SPAG16: variants seen among roughly 807,000 people sequenced by gnomAD.
SPAG16 encodes the protein sperm associated antigen 16.
In SPAG16, 86 loss-of-function variants were observed where a neutral mutation model predicts 80.4. The observed-to-expected ratio is 1.07, with a 90% CI of 0.90 to 1.28. SPAG16 has a LOEUF of 1.28. Among genes scored for constraint, SPAG16 ranks in the 50% most tolerant of loss-of-function variants. SPAG16 has a pLI of 0.00. For missense variants in SPAG16, 870 were observed against 765.3 expected (o/e 1.14, Z -1.61); for synonymous variants, 294 against 265.9 (o/e 1.11, Z -1.03).
At chr2:213,318,950 C>G (rs913233562) in intron 5 of SPAG16, among the ~76,000 whole-genome samples, 5 of 151,924 alleles carry the variant, frequency 3.3e-5, no homozygotes, top group Non-Finnish European at 7.4e-5. Context: ...AGCCAGATCT[C>G]TCCACACCTT....
chr2:213,572,512 A>G (rs28806208), intron 10 of SPAG16, among the ~76,000 whole-genome samples: 64,452 of 150,158 alleles, frequency 0.43, 14,702 homozygotes, highest in African/African-American at 0.56. Flanking sequence ...AGGTGTCAGT[A>G]TGCCCCTGCT....
At chr2:213,445,533 G>C (rs2071249095) in intron 9 of SPAG16, among the ~76,000 whole-genome samples, 1 of 152,042 alleles carries the variant, frequency 6.6e-6, no homozygotes, top group Non-Finnish European at 1.5e-5. Context: ...GTAGTGGTGG[G>C]CTCCTGTAAT....
At chr2:214,249,254 A>C (rs1364765704) in intron 15 of SPAG16, among the ~76,000 whole-genome samples, 1 of 152,210 alleles carries the variant, frequency 6.6e-6, no homozygotes, top group African/African-American at 2.4e-5. Flanking sequence ...TAAACAAAGT[A>C]GAGTTATTTT....
intron 10 of SPAG16, among the ~76,000 whole-genome samples, chr2:213,796,082 T>C (rs536247005): frequency 6.6e-6 from 1 of 152,270 alleles, no homozygotes; most frequent in South Asian, 2.1e-4. Flanking sequence ...ATCTAATCTA[T>C]TCAACTCCCC....
intron 9 of SPAG16, among the ~76,000 whole-genome samples, chr2:213,471,952 A>C (rs2073103437): frequency 6.6e-6 from 1 of 152,220 alleles, no homozygotes; most frequent in African/African-American, 2.4e-5. Context: ...AAGTTTACTG[A>C]GGCAGAAGTT....
At chr2:213,823,594 A>T (rs1045093612) in intron 10 of SPAG16, among the ~76,000 whole-genome samples, 6 of 152,168 alleles carry the variant, frequency 3.9e-5, no homozygotes, top group Non-Finnish European at 7.3e-5. Context: ...TCCAGACCTC[A>T]GGTGATCTGC....
At chr2:213,659,208 G>A (rs1352002341) in intron 10 of SPAG16, among the ~76,000 whole-genome samples, 1 of 152,014 alleles carries the variant, frequency 6.6e-6, no homozygotes, top group East Asian at 1.9e-4. Context: ...TGTGAAAGCA[G>A]TTGTTCTCTA....
At chr2:213,436,919 T>G (rs1422540272) in intron 9 of SPAG16, among the ~76,000 whole-genome samples, 1 of 152,092 alleles carries the variant, frequency 6.6e-6, no homozygotes, top group African/African-American at 2.4e-5. Flanking sequence ...AACTCTTTTT[T>G]TTTTTTCTTT....
At chr2:213,538,202 T>C (rs564965495) in intron 10 of SPAG16, among the ~76,000 whole-genome samples, 34 of 152,312 alleles carry the variant, frequency 2.2e-4, no homozygotes, top group Middle Eastern at 3.4e-3. Flanking sequence ...CTTCTGTACA[T>C]GTAGCAAAAA....
chr2:213,833,389 G>A, intron 10 of SPAG16, among the ~76,000 whole-genome samples: 1 of 113,412 alleles, frequency 8.8e-6, no homozygotes, highest in Non-Finnish European at 1.7e-5. Flanking sequence ...GAGGCATGAG[G>A]CATGTGTGTG....
intron 10 of SPAG16, among the ~76,000 whole-genome samples, chr2:213,825,701 C>CTTTTTTTTTTTTTTTTTTTTTTTTTTT (rs55777958): frequency 2.6e-4 from 28 of 109,794 alleles, no homozygotes; most frequent in African/African-American, 4.5e-4. Context: ...TTCTTTCTTT[C>CTTTTTTTTTTTTTTTTTTTTTTTTTTT]TTTTTTTTTT....
At chr2:213,487,272 G>A (rs751495445) in intron 9 of SPAG16, among the ~76,000 whole-genome samples, 6 of 152,046 alleles carry the variant, frequency 3.9e-5, no homozygotes, top group Non-Finnish European at 8.8e-5. Flanking sequence ...TGCACTTTGA[G>A]TTAAGACCAG....
intron 10 of SPAG16, among the ~76,000 whole-genome samples, chr2:213,610,794 T>C (rs571656748): frequency 6.6e-6 from 1 of 152,296 alleles, no homozygotes; most frequent in South Asian, 2.1e-4. Flanking sequence ...CATGAGGAGA[T>C]GTGCTCTGTT....
intron 13 of SPAG16, among the ~76,000 whole-genome samples, chr2:214,023,115 C>G (rs374305051): frequency 1.1e-4 from 16 of 151,536 alleles, no homozygotes; most frequent in East Asian, 5.8e-4. Context: ...TTCTCTTTTC[C>G]CCTCATGTTT....
At chr2:213,325,382 T>C (rs1260058701) in intron 5 of SPAG16, among the ~76,000 whole-genome samples, 1 of 152,104 alleles carries the variant, frequency 6.6e-6, no homozygotes, top group Non-Finnish European at 1.5e-5. Context: ...TTCTTAAGTT[T>C]TGTGCATTGT....
chr2:213,830,296 C>T (rs1167920576), intron 10 of SPAG16, among the ~76,000 whole-genome samples: 2 of 152,242 alleles, frequency 1.3e-5, no homozygotes, highest in East Asian at 1.9e-4. Flanking sequence ...AAAATCCCAC[C>T]ACTGTGTGGT....
intron 10 of SPAG16, among the ~76,000 whole-genome samples, chr2:213,820,681 A>ATATATATTTTATTC (rs764551208): frequency 1.3e-5 from 2 of 152,042 alleles, no homozygotes; most frequent in Non-Finnish European, 2.9e-5. Flanking sequence ...TAAATTTGCT[A>ATATATATTTTATTC]TATATATTTT....
At chr2:214,046,803 A>G (rs2049348514) in intron 13 of SPAG16, among the ~76,000 whole-genome samples, 1 of 152,148 alleles carries the variant, frequency 6.6e-6, no homozygotes, top group African/African-American at 2.4e-5. Flanking sequence ...AAGACTTCAC[A>G]AGAAAACTGT....
intron 10 of SPAG16, among the ~76,000 whole-genome samples, chr2:213,500,151 T>C (rs7598774): frequency 0.025 from 3,794 of 152,280 alleles, 155 homozygotes; most frequent in African/African-American, 0.085. Flanking sequence ...AGGATACACC[T>C]GACAAACCCA....
Sources: gnomAD v4.1 joint callset for allele counts (sites outside exome capture counted in the v4.1 genomes callset) on GRCh38, gnomAD v4.1.1 for gene constraint, MANE v1.5 for transcripts, NCBI Gene and HGNC (gene_info 2026-07-23, HGNC 2026-07-21) for gene names.